Variants in CDC27 observed in about 807,000 individuals in gnomAD.
The protein encoded by CDC27 is cell division cycle 27, also known as cell division cycle protein 27 homolog.
CDC27 carries 27 observed loss-of-function variants against 109.7 expected under a neutral mutation model. That is an observed-to-expected ratio of 0.25 (90% CI 0.18 to 0.34). CDC27 has a LOEUF of 0.34. Ranked by LOEUF, CDC27 falls within the 10% of genes least tolerant of loss-of-function variation. The probability of loss-of-function intolerance (pLI) is 1.00; values close to 1 mark genes in which losing one functional copy is unlikely to be tolerated. For missense variants in CDC27, 579 were observed against 960.2 expected (o/e 0.60, Z 5.25); for synonymous variants, 266 against 333.9 (o/e 0.80, Z 2.22).
intron 14 of CDC27, among the ~76,000 whole-genome samples, chr17:47,134,303 T>C (rs2062498041): frequency 7.4e-6 from 1 of 134,710 alleles, no homozygotes; most frequent in Non-Finnish European, 1.7e-5. Context: ...TAAACCCATA[T>C]AGATTTTTTT....
At chr17:47,181,764 C>A in intron 1 of CDC27, 127 bp from the exon 2 acceptor site, 1 of 506,516 alleles carries the variant, frequency 2.0e-6, no homozygotes. Context: ...CCCCAATGCC[C>A]ACAGAGCAAA....
intron 7 of CDC27, 161 bp downstream of exon 7, chr17:47,156,752 C>G (rs2063319702): frequency 2.3e-6 from 1 of 431,892 alleles, no homozygotes; most frequent in South Asian, 6.2e-5. Flanking sequence ...CTGGCAACAT[C>G]ACTATTTGCC....
At chr17:47,140,756 G>A (rs368006079) in intron 12 of CDC27, among the ~76,000 whole-genome samples, 4 of 152,108 alleles carry the variant, frequency 2.6e-5, no homozygotes, top group East Asian at 1.9e-4. Flanking sequence ...GACCATAATC[G>A]AAACATGGGT....
chr17:47,135,245 C>T lies in CDC27; in HGVS notation c.1913+1907G>A, dbSNP rs540467481. 5.3e-5 allele frequency among the ~76,000 whole-genome samples: 8 copies of T among 152,232 alleles called. No individual in the cohort carries two copies. In the South Asian group the frequency reaches 1.5e-3, roughly 28 times the overall value. On this transcript the variant is annotated intron_variant, in intron 14 of 18. Coordinates refer to ENST00000066544, the MANE Select transcript of CDC27 (RefSeq NM_001256.6). ...TTCCTTGTCCCCCACTTACTGTTATCAAAAGCATGCTCCTATACTTATAGA... is the reference window on the plus strand; with the variant it reads ...TTCCTTGTCCCCCACTTACTGTTATTAAAAGCATGCTCCTATACTTATAGA...
Position 47,134,701 on chromosome 17 carries a change from C to G in CDC27, c.1914-2327G>C, listed in dbSNP as rs982573055. Among the ~76,000 whole-genome samples, 3 of 151,662 alleles carry G rather than the reference C, an allele frequency of 2.0e-5. 1 individual carries two copies. The highest frequency in any genetic ancestry group is 2.0e-4 in the Admixed American group (3 of 15,226). Reference sequence around the variant, plus strand: ...ATGTTGGCCAGGATGGTCTTGATCTCTTGACCTCATGATTCGCCCATCTCA... The same window carrying G: ...ATGTTGGCCAGGATGGTCTTGATCTGTTGACCTCATGATTCGCCCATCTCA... On this transcript the variant is annotated intron_variant, in intron 14 of 18. Coordinates refer to ENST00000066544, the MANE Select transcript of CDC27 (RefSeq NM_001256.6).
chr17:47,143,937 G>T lies in CDC27; in HGVS notation c.1116C>A (p.Asn372Lys), dbSNP rs76836956. 52 of 1,493,894 alleles carry T rather than the reference G, an allele frequency of 3.5e-5. No homozygotes were observed. Among genetic ancestry groups the T allele is most frequent in the Non-Finnish European group, 4.4e-5 (49 of 1,114,796 alleles). 92.5% of individuals were successfully genotyped at this position (1,493,894 alleles called of 1,614,324 possible). A position where few individuals can be genotyped will look rare whatever the true frequency, so the allele number is the denominator to read the frequency against. Residue 372 changes from asparagine to lysine, a missense_variant, in exon 10 of 19, where the codon AAC (asparagine) becomes AAA (lysine). Physicochemically the swap from Asn to Lys is moderately conservative, Grantham distance 94. Coordinates refer to ENST00000066544, the MANE Select transcript of CDC27 (RefSeq NM_001256.6). ...GTCGTGAACTTCTTCGAGGCAGTGC[G>T]TTTGGGGGAGATGTAATAGTGGGGC... ...VLSPTITSPP[N>K]ALPRRSSRLF...
intron 15 of CDC27, among the ~76,000 whole-genome samples, 174 bp from the exon 16 acceptor site, chr17:47,129,695 G>T (rs1448114989): frequency 6.6e-6 from 1 of 152,172 alleles, no homozygotes; most frequent in African/African-American, 2.4e-5. Context: ...ATGATTAATA[G>T]ATTATCTCTA....
intron 4 of CDC27, among the ~76,000 whole-genome samples, chr17:47,167,262 T>C (rs967426303): frequency 1.3e-5 from 2 of 152,246 alleles, no homozygotes; most frequent in East Asian, 1.9e-4. Flanking sequence ...CAGAGTAATA[T>C]TTATAATACT....
intron 2 of CDC27, among the ~76,000 whole-genome samples, chr17:47,172,410 T>C (rs1333899912): frequency 2.0e-5 from 3 of 152,152 alleles, no homozygotes; most frequent in Non-Finnish European, 4.4e-5. Flanking sequence ...AATATTTTTC[T>C]AATAAATCTT....
intron 18 of CDC27, 81 bp downstream of exon 18, chr17:47,122,363 A>C (rs1416532789): frequency 2.0e-6 from 2 of 1,014,322 alleles, no homozygotes; most frequent in Non-Finnish European, 2.8e-6. Flanking sequence ...TGGTTAGAAA[A>C]ATAAAATAAA....
At chr17:47,171,012 G>C (rs1234117521) in intron 3 of CDC27, 1 of 152,070 alleles carries the variant, frequency 6.6e-6, no homozygotes, top group Non-Finnish European at 1.5e-5. Flanking sequence ...GAGATGGGAG[G>C]ATCGCTTAGG....
rs902693365 is a variant in CDC27 at position 47,187,557 on chromosome 17, C to T, written c.27+1589G>A. Among the ~76,000 whole-genome samples the T allele has an allele frequency of 7.9e-4, 120 of 152,252 alleles. 1 individual carries two copies. Among genetic ancestry groups the T allele is most frequent in the African/African-American group, 2.8e-3 (117 of 41,542 alleles). ...CCTCAGGTGATCCACCCGCCTCAGC[C>T]TCCCAAAGTGCTGGGATTTCAGGTG... On this transcript the variant is annotated intron_variant, in intron 1 of 18. Transcript: ENST00000066544.
At chr17:47,181,671 T>C in intron 1 of CDC27, 34 bp from the exon 2 acceptor site, 1 of 1,238,522 alleles carries the variant, frequency 8.1e-7, no homozygotes. Flanking sequence ...TAAATATACA[T>C]ACATACAGAC....
At chr17:47,159,617 C>T in intron 4 of CDC27, 1 of 465,770 alleles carries the variant, frequency 2.1e-6, no homozygotes, top group Non-Finnish European at 3.9e-6. Context: ...GTTGATGGCC[C>T]TGCAGATGGC....
Position 47,169,989 on chromosome 17 carries a change from C to T in CDC27, c.305G>A (p.Ser102Asn). ...AAACTCAGTAACAATATCATCATGG[C>T]TTTTCTGCTTATTAAACACTCCACC... ...LSGGVFNKQKSHDDIVTEFGD... is the reference protein window; with the variant it reads ...LSGGVFNKQKNHDDIVTEFGD... Residue 102 changes from serine (S) to asparagine (N), a missense_variant, in exon 4 of 19, where the codon AGC becomes AAC. Physicochemically the swap from Ser to Asn is conservative, Grantham distance 46. This residue lies in a region of CDC27 where 52 missense variants were observed against 63.4 expected (regional missense o/e 0.82). Coordinates refer to ENST00000066544, the MANE Select transcript of CDC27 (RefSeq NM_001256.6). The T allele has an allele frequency of 3.8e-6, 6 of 1,593,818 alleles. No individual in the cohort carries two copies. Among genetic ancestry groups the T allele is most frequent in the Non-Finnish European group, 5.1e-6 (6 of 1,170,524 alleles).
At chr17:47,172,117 T>A in intron 2 of CDC27, 53 bp from the exon 3 acceptor site, 2 of 1,206,410 alleles carry the variant, frequency 1.7e-6, no homozygotes, top group Non-Finnish European at 2.2e-6. Context: ...TGAATGATAA[T>A]CAGTTTATCA....
At chr17:47,188,578 T>C (rs1239150770) in intron 1 of CDC27, among the ~76,000 whole-genome samples, 1 of 150,370 alleles carries the variant, frequency 6.7e-6, no homozygotes, top group Non-Finnish European at 1.5e-5. Context: ...AGGCTTGGAG[T>C]TGTCTTCTCA....
chr17:47,124,690 A>G (rs980936048), intron 16 of CDC27, among the ~76,000 whole-genome samples: 2 of 152,226 alleles, frequency 1.3e-5, no homozygotes, highest in Admixed American at 1.3e-4. Flanking sequence ...TTAGTAGAAG[A>G]CAGCTAGATT....
intron 9 of CDC27, among the ~76,000 whole-genome samples, chr17:47,150,428 A>C (rs1260893364): frequency 6.6e-6 from 1 of 152,220 alleles, no homozygotes; most frequent in African/African-American, 2.4e-5. Flanking sequence ...TTAGATACAG[A>C]AACACACATG....
Sources: gnomAD v4.1 joint callset for allele counts (sites outside exome capture counted in the v4.1 genomes callset) on GRCh38, gnomAD v4.1.1 for gene constraint, gnomAD v4.1.1 regional missense constraint, MANE v1.5 for transcripts, NCBI Gene and HGNC (gene_info 2026-07-23, HGNC 2026-07-21) for gene names.